Variants in PCSK7 observed in about 807,000 individuals in gnomAD.
PCSK7 encodes proprotein convertase subtilisin/kexin type 7.
Under a neutral mutation model 73.3 loss-of-function variants are expected in PCSK7, and 38 were observed. That is an observed-to-expected ratio of 0.52 (90% confidence interval 0.40 to 0.68). The LOEUF (loss-of-function observed/expected upper bound fraction) is 0.68. PCSK7 is among the 30% of genes least tolerant of loss of function. The pLI, the probability that PCSK7 is intolerant of heterozygous loss-of-function variation, is 0.00. For synonymous variants in PCSK7, 296 were observed against 383.8 expected (o/e 0.77, Z 2.68); for missense variants, 692 against 991.5 (o/e 0.70, Z 4.06).
intron 10 of PCSK7, 140 bp downstream of exon 10, chr11:117,219,451 C>T (rs1708112109): frequency 9.5e-6 from 8 of 837,792 alleles, no homozygotes; most frequent in Non-Finnish European, 1.5e-5. Context: ...CACACCTGTT[C>T]TTTACATATG....
chr11:117,228,034 A>C (rs1175473877), intron 4 of PCSK7, among the ~76,000 whole-genome samples, 182 bp downstream of exon 4: 1 of 152,186 alleles, frequency 6.6e-6, no homozygotes, highest in South Asian at 2.1e-4. Context: ...TTGTTCTTAG[A>C]GTTAGAGCCA....
At position 117,224,873 on chromosome 11, in the gene PCSK7, G is replaced by A. The variant is rs1591803519; in HGVS notation, c.861-118C>T. ...CTGCAGCTCTTAACTCCTCCCAAGG[G>A]TTCCACTTAAAGGCTTCCGTGATTA... is the stretch of plus-strand genomic sequence containing the variant. On this transcript the variant is annotated intron_variant, in intron 6 of 16. Coordinates refer to ENST00000320934, the MANE Select transcript of PCSK7 (RefSeq NM_004716.4). 9 of 768,742 alleles carry A rather than the reference G, an allele frequency of 1.2e-5. No homozygotes were observed. The East Asian group carries it at 2.2e-4, about 19-fold the overall frequency. 47.6% of individuals were successfully genotyped at this position (768,742 alleles called of 1,614,324 possible).
At chr11:117,226,779 T>C (rs753491170) in intron 5 of PCSK7, 7 of 186,338 alleles carry the variant, frequency 3.8e-5, no homozygotes, top group Non-Finnish European at 6.5e-5. Context: ...CAGGGAGGAA[T>C]AGGGCTGCTC....
chr11:117,218,025 ACT>A lies in PCSK7; in HGVS notation c.1534+439_1534+440del, dbSNP rs550249463. Reference sequence around the variant, plus strand: ...GTCCATCCCCAGCAGACCACATCTGACTCTCTCTATTAGGTAAGCCAGAGAAT... The same window carrying A: ...GTCCATCCCCAGCAGACCACATCTGACTCTCTATTAGGTAAGCCAGAGAAT... On this transcript the variant is annotated intron_variant, in intron 12 of 16. Transcript: ENST00000320934. The surrounding 1 kb of genome is among the most constrained non-coding windows in gnomAD (Gnocchi z 4.0). 1 of 152,504 alleles carries A rather than the reference ACT, an allele frequency of 6.6e-6. No individual in the cohort carries two copies. Among genetic ancestry groups the A allele is most frequent in the Non-Finnish European group, 1.5e-5 (1 of 68,382 alleles). The allele number at this position is 152,504 out of a possible 1,614,324, so 9.4% of individuals were successfully genotyped here.
rs531269002 is a variant in PCSK7 at position 117,213,447 on chromosome 11, G to A, written c.1535-4394C>T. ...TGGGAAAATCTTAGAAAGCAAGCCAGCTTTTGAGAGGTGATAGTGAAATCT... is the reference window on the plus strand; with the variant it reads ...TGGGAAAATCTTAGAAAGCAAGCCAACTTTTGAGAGGTGATAGTGAAATCT... On this transcript the variant is annotated intron_variant, in intron 12 of 16. Coordinates refer to ENST00000320934, the MANE Select transcript of PCSK7 (RefSeq NM_004716.4). The A allele has an allele frequency of 2.0e-5, 3 of 152,268 alleles. No homozygotes were observed. In the South Asian group the frequency reaches 6.2e-4, roughly 32 times the overall value. The allele number at this position is 152,268 out of a possible 1,614,324, so 9.4% of individuals were successfully genotyped here.
In PCSK7 at chr11:117,229,378, AGGT is replaced by A; in HGVS notation, c.464_466del (p.His155del). 1 of 1,603,002 alleles carries A rather than the reference AGGT, an allele frequency of 6.2e-7. No homozygotes were observed. Among genetic ancestry groups the A allele is most frequent in the Non-Finnish European group, 8.5e-7 (1 of 1,178,668 alleles). On this transcript the variant is annotated inframe_deletion and splice_region_variant, in exon 3 of 17. Transcript: ENST00000320934. ...TGCAAACTGCAGGACTGGACTCACC[AGGT>A]GCCATTGCTGCGGGTACTTGGGGTC... is the stretch of plus-strand genomic sequence containing the variant.
rs964708912 is a variant in PCSK7, at chr11:117,231,689, A to C, written c.-133+338T>G. ...CCTCCCTTTACAGCTCTTAATTGAC[A>C]AGGAAGAAGAGAATGGGCAGCCTGG... is the stretch of plus-strand genomic sequence containing the variant. On this transcript the variant is annotated intron_variant, in intron 1 of 16. Transcript: ENST00000320934. 6 of 152,244 alleles carry C rather than the reference A, an allele frequency of 3.9e-5. No homozygotes were observed. In the East Asian group the frequency reaches 9.6e-4, roughly 24 times the overall value. The allele number at this position is 152,244 out of a possible 1,614,324, so 9.4% of individuals were successfully genotyped here. A position where few individuals can be genotyped will look rare whatever the true frequency, so the allele number is the denominator to read the frequency against.
intron 6 of PCSK7, 116 bp downstream of exon 6, chr11:117,225,815 A>C: frequency 1.4e-6 from 1 of 692,104 alleles, no homozygotes; most frequent in Non-Finnish European, 2.6e-6. Flanking sequence ...TTATTAGCTG[A>C]ACCCAATGAG....
rs1007047139 is a variant in PCSK7 at position 117,230,360 on chromosome 11, A to G, written c.-24T>C. Reference sequence around the variant, plus strand: ...GGCCCCGTGCCCACCTGGATTCTACATGAGGTTGAGCTCCTGGTCTGGCTA... The same window carrying G: ...GGCCCCGTGCCCACCTGGATTCTACGTGAGGTTGAGCTCCTGGTCTGGCTA... On this transcript the variant is annotated 5_prime_UTR_variant, in exon 2 of 17. It removes an upstream start codon present in the reference 5' UTR. Coordinates refer to ENST00000320934, the MANE Select transcript of PCSK7 (RefSeq NM_004716.4). The G allele has an allele frequency of 1.3e-5, 2 of 154,182 alleles. No individual in the cohort carries two copies. Among genetic ancestry groups the G allele is most frequent in the African/African-American group, 4.8e-5 (2 of 41,476 alleles). 9.6% of individuals were successfully genotyped at this position (154,182 alleles called of 1,614,324 possible). A position where few individuals can be genotyped will look rare whatever the true frequency, so the allele number is the denominator to read the frequency against.
chr11:117,225,985 A>T lies in PCSK7; in HGVS notation c.806T>A (p.Met269Lys). Residue 269 changes from methionine to lysine, a missense_variant, in exon 6 of 17, where the codon ATG becomes AAG. Physicochemically the swap from Met to Lys is moderately conservative, Grantham distance 95. Around this residue, in one of 6 missense-constraint regions of PCSK7, gnomAD observed 574 missense variants for 689.8 expected, o/e 0.83. Transcript: ENST00000320934. ...GTGCTTGTTGAACGCCACTGCCTCC[A>T]TGCTGTCTGTGAGAGGTCCATCCAG... The part of the protein sequence containing the change: ...RVLDGPLTDS[M>K]EAVAFNKHYQ... 2.5e-6 allele frequency: 4 copies of T among 1,612,042 alleles called. No individual in the cohort carries two copies. The highest frequency in any genetic ancestry group is 3.4e-6 in the Non-Finnish European group (4 of 1,178,134).
In PCSK7 at chr11:117,206,337, C is replaced by T; in HGVS notation, c.2018G>A (p.Cys673Tyr). The change falls in exon 17 of 17, where the codon TGT becomes TAT. Residue 673 changes from cysteine (C) to tyrosine (Y), a missense_variant. By Grantham distance (194) the Cys-to-Tyr change is radical. This residue lies in a region of PCSK7 where 78 missense variants were observed against 102.6 expected (regional missense o/e 0.76). Coordinates refer to ENST00000320934, the MANE Select transcript of PCSK7 (RefSeq NM_004716.4). Reference sequence around the variant, plus strand: ...GTAAACAGTCCAGAAGACGGTGAAACAGCCTACCAGCACCAGGGTCTGGGG... The same window carrying T: ...GTAAACAGTCCAGAAGACGGTGAAATAGCCTACCAGCACCAGGGTCTGGGG... Reference protein sequence around the residue: ...NTLKTLVLVGCFTVFWTVYYM... With the variant: ...NTLKTLVLVGYFTVFWTVYYM... 3.1e-6 allele frequency: 5 copies of T among 1,609,440 alleles called. No individual in the cohort carries two copies. The highest frequency in any genetic ancestry group is 4.2e-6 in the Non-Finnish European group (5 of 1,176,514).
Position 117,218,602 on chromosome 11 carries a change from A to G in PCSK7, c.1432-34T>C. ...GGAAAGGAGGGGATGGCAAATCAAC[A>G]AACAAGAATGATCACACCCACATTC... On this transcript the variant is annotated intron_variant, in intron 11 of 16. Transcript: ENST00000320934. The surrounding 1 kb of genome is among the most constrained non-coding windows in gnomAD (Gnocchi z 4.0). 8.3e-7 allele frequency: 1 copy of G among 1,207,156 alleles called. No individual in the cohort carries two copies. Among genetic ancestry groups the G allele is most frequent in the Non-Finnish European group, 1.2e-6 (1 of 828,382 alleles). 74.8% of individuals were successfully genotyped at this position (1,207,156 alleles called of 1,614,324 possible).
In PCSK7 at chr11:117,205,212, A is replaced by G. The variant is rs2031297145; in HGVS notation, c.*785T>C. ...AGAAGAGGGGAGAAGGCCAAGGTTG[A>G]GAGAAGAGTCACAGCCTGTCAGGCA... On this transcript the variant is annotated 3_prime_UTR_variant, in exon 17 of 17. Transcript: ENST00000320934. 4.3e-6 allele frequency: 1 copy of G among 233,534 alleles called. No homozygotes were observed. Among genetic ancestry groups the G allele is most frequent in the South Asian group, 1.8e-4 (1 of 5,536 alleles). The allele number at this position is 233,534 out of a possible 1,614,324, so 14.5% of individuals were successfully genotyped here.
At chr11:117,219,461 G>A in intron 10 of PCSK7, 130 bp downstream of exon 10, 1 of 891,436 alleles carries the variant, frequency 1.1e-6, no homozygotes, top group South Asian at 1.7e-5. Context: ...CTTTACATAT[G>A]CAACTCTGAA....
rs1423700800 is a variant in PCSK7 at position 117,228,243 on chromosome 11, G to A, written c.576C>T (p.His192=). Residue 192 remains histidine (H), a synonymous_variant, in exon 4 of 17, where the codon CAC becomes CAT. Coordinates refer to ENST00000320934, the MANE Select transcript of PCSK7 (RefSeq NM_004716.4). ...AGTTGGGTGCAATGTCCTGGATGGT[G>A]TGTTCCACTCCGTCATCCACTACCA... The part of the protein sequence containing the change: ...TVVVVDDGVE[H]TIQDIAPNYS... The A allele has an allele frequency of 1.2e-6, 2 of 1,613,434 alleles. No homozygotes were observed. The highest frequency in any genetic ancestry group is 1.7e-5 in the Admixed American group (1 of 59,928).
chr11:117,228,333 C>T lies in PCSK7; in HGVS notation c.486G>A (p.Pro162=), dbSNP rs760423352. The T allele has an allele frequency of 1.2e-5, 19 of 1,613,864 alleles. No homozygotes were observed. The highest frequency in any genetic ancestry group is 1.4e-5 in the Non-Finnish European group (17 of 1,179,886). ...QQWHLNNRRS[P]GRDINVTGVW... ...CACCCGTCACGTTGATGTCCCTGCC[C>T]GGGCTCCGTCGGTTATTCTGTAAGA... is the stretch of plus-strand genomic sequence containing the variant. The change falls in exon 4 of 17, where the codon CCG becomes CCA. Residue 162 remains proline (P), a synonymous_variant. Coordinates refer to ENST00000320934, the MANE Select transcript of PCSK7 (RefSeq NM_004716.4).
intron 12 of PCSK7, chr11:117,215,370 G>GTA (rs2031922327): frequency 1.2e-5 from 1 of 84,586 alleles, no homozygotes; most frequent in East Asian, 5.4e-4. Flanking sequence ...TAATTTGTGT[G>GTA]TGTGTGTGTG....
chr11:117,214,701 G>C (rs986865591), intron 12 of PCSK7: 22 of 152,272 alleles, frequency 1.4e-4, no homozygotes, highest in African/African-American at 5.3e-4. Context: ...GGGAGAAATT[G>C]CTTCAGTTCA....
At chr11:117,223,174 G>A (rs1255112698) in intron 9 of PCSK7, 34 bp downstream of exon 9, 1 of 1,238,178 alleles carries the variant, frequency 8.1e-7, no homozygotes, top group Non-Finnish European at 1.2e-6. Context: ...TTGTGGGAAA[G>A]GGGCAGGCCG....
Sources: gnomAD v4.1 joint callset for allele counts (sites outside exome capture counted in the v4.1 genomes callset) on GRCh38, gnomAD v4.1.1 for gene constraint, gnomAD v4.1.1 regional missense constraint, Gnocchi (gnomAD v3.1) non-coding constraint, MANE v1.5 for transcripts, NCBI Gene and HGNC (gene_info 2026-07-23, HGNC 2026-07-21) for gene names.